Variants in UBASH3B observed in about 807,000 individuals in gnomAD.
The protein encoded by UBASH3B is ubiquitin associated and SH3 domain containing B, also known as ubiquitin-associated and SH3 domain-containing protein B.
A neutral mutation model predicts 83.4 loss-of-function variants in UBASH3B; 37 were observed. The ratio of observed to expected loss-of-function variants is 0.44; its 90% CI spans 0.34 to 0.58. The LOEUF (loss-of-function observed/expected upper bound fraction) is 0.58, where lower values mean the gene tolerates loss of function less well. Among genes scored for constraint, UBASH3B ranks in the 20% least tolerant of loss-of-function variants. The pLI is 0.01. For synonymous variants in UBASH3B, 304 were observed against 318.3 expected (o/e 0.96, Z 0.48); for missense variants, 657 against 827.2 (o/e 0.79, Z 2.52).
intron 1 of UBASH3B, among the ~76,000 whole-genome samples, chr11:122,716,882 G>A (rs571149309): frequency 4.6e-5 from 7 of 152,138 alleles, no homozygotes; most frequent in African/African-American, 7.2e-5. Flanking sequence ...AGAAGCTGTC[G>A]GTCATGGCTC....
At position 122,806,661 on chromosome 11, in the gene UBASH3B, A is replaced by G; in HGVS notation, c.1702+145A>G. The G allele has an allele frequency of 1.6e-6, 2 of 1,215,514 alleles. No homozygotes were observed. Among genetic ancestry groups the G allele is most frequent in the Non-Finnish European group, 2.1e-6 (2 of 931,140 alleles). The allele number at this position is 1,215,514 out of a possible 1,614,324, so 75.3% of individuals were successfully genotyped here. A position where few individuals can be genotyped will look rare whatever the true frequency, so the allele number is the denominator to read the frequency against. ...TTTCTTCCAGATACTTTTACATTAA[A>G]TTTGTAATATTCTCTGAGTTCCTAA... On this transcript the variant is annotated intron_variant, in intron 12 of 13. Transcript: ENST00000284273. The surrounding 1 kb of genome is among the most constrained non-coding windows in gnomAD (Gnocchi z 4.0).
In UBASH3B at chr11:122,806,274, C is replaced by T. The variant is rs775038881; in HGVS notation, c.1596-136C>T. On this transcript the variant is annotated intron_variant, in intron 11 of 13. Coordinates refer to ENST00000284273, the MANE Select transcript of UBASH3B (RefSeq NM_032873.5). This position sits in a 1 kb window ranked among gnomAD's most constrained non-coding sequence, Gnocchi z 4.0. ...GAAATGCTGTTCCCTATACCTTTCT[C>T]CTTTCTAGGGAAATGGATAAACAAA... 219 of 721,420 alleles carry T rather than the reference C, an allele frequency of 3.0e-4. No individual in the cohort carries two copies. Among genetic ancestry groups the T allele is most frequent in the Non-Finnish European group, 4.7e-4 (207 of 441,112 alleles). 44.7% of individuals were successfully genotyped at this position (721,420 alleles called of 1,614,324 possible). A position where few individuals can be genotyped will look rare whatever the true frequency, so the allele number is the denominator to read the frequency against.
chr11:122,718,683 C>G (rs887681361), intron 1 of UBASH3B, among the ~76,000 whole-genome samples: 2 of 151,710 alleles, frequency 1.3e-5, no homozygotes, highest in African/African-American at 4.8e-5. Flanking sequence ...GATTGGAGCC[C>G]CAAAAAAGGG....
chr11:122,683,107 C>A (rs1036791425), intron 1 of UBASH3B, among the ~76,000 whole-genome samples: 1 of 151,828 alleles, frequency 6.6e-6, no homozygotes, highest in Admixed American at 6.6e-5. Context: ...GTTACCCAGG[C>A]GCATGGTGGT....
At chr11:122,769,746 C>T (rs903443858) in intron 1 of UBASH3B, among the ~76,000 whole-genome samples, 1 of 152,206 alleles carries the variant, frequency 6.6e-6, no homozygotes, top group Non-Finnish European at 1.5e-5. Context: ...GCAACAATGA[C>T]CACTGTGTGG....
At chr11:122,778,402 C>T (rs1047386333) in intron 3 of UBASH3B, among the ~76,000 whole-genome samples, 3 of 152,128 alleles carry the variant, frequency 2.0e-5, no homozygotes, top group African/African-American at 7.2e-5. Flanking sequence ...TGTCACAGCT[C>T]TCTGGGACTC....
chr11:122,806,450 TATG>T lies in UBASH3B; in HGVS notation c.1639_1641del (p.Asp547del). The T allele has an allele frequency of 3.7e-6, 6 of 1,606,386 alleles. No individual in the cohort carries two copies. The highest frequency in any genetic ancestry group is 5.1e-6 in the Non-Finnish European group (6 of 1,177,720). ...CAGCAAATTAGTTGTTTCAGAATCCTATGATACTTATATCAGTAGAAGTTTCCA... is the reference window on the plus strand; with the variant it reads ...CAGCAAATTAGTTGTTTCAGAATCCTATACTTATATCAGTAGAAGTTTCCA... On this transcript the variant is annotated inframe_deletion, in exon 12 of 14. Transcript: ENST00000284273. This position sits in a 1 kb window ranked among gnomAD's most constrained non-coding sequence, Gnocchi z 4.0.
At chr11:122,776,078 C>T (rs1000884805) in intron 1 of UBASH3B, 141 bp from the exon 2 acceptor site, 1 of 658,584 alleles carries the variant, frequency 1.5e-6, no homozygotes, top group Non-Finnish European at 2.6e-6. Flanking sequence ...GGGGGAAAAC[C>T]TGCTGCAGGT....
At chr11:122,804,188 C>T (rs1861301080) in intron 11 of UBASH3B, among the ~76,000 whole-genome samples, 1 of 152,028 alleles carries the variant, frequency 6.6e-6, no homozygotes, top group South Asian at 2.1e-4. Flanking sequence ...GATGAGGTGA[C>T]ATAAATGGTG....
chr11:122,670,819 A>G (rs1296903598), intron 1 of UBASH3B, among the ~76,000 whole-genome samples: 2 of 151,874 alleles, frequency 1.3e-5, no homozygotes, highest in East Asian at 1.9e-4. Context: ...CTGGAGTGCA[A>G]TGGTGCGACT....
chr11:122,795,364 G>A (rs1861136977), intron 7 of UBASH3B, among the ~76,000 whole-genome samples: 1 of 152,150 alleles, frequency 6.6e-6, no homozygotes, highest in Admixed American at 6.6e-5. Context: ...GGAACAACAG[G>A]AAAAGAGATG....
chr11:122,750,266 C>T (rs181418186), intron 1 of UBASH3B, among the ~76,000 whole-genome samples: 1 of 152,222 alleles, frequency 6.6e-6, no homozygotes, highest in Non-Finnish European at 1.5e-5. Flanking sequence ...GTTGCAGGGC[C>T]CCCCCACCTT....
At chr11:122,683,471 C>A (rs185314531) in intron 1 of UBASH3B, among the ~76,000 whole-genome samples, 1 of 151,168 alleles carries the variant, frequency 6.6e-6, no homozygotes, top group African/African-American at 2.4e-5. Context: ...AAAAATTAGC[C>A]GGGCGTGGTG....
intron 1 of UBASH3B, among the ~76,000 whole-genome samples, chr11:122,718,807 C>T (rs1029582304): frequency 2.6e-5 from 4 of 152,184 alleles, no homozygotes; most frequent in South Asian, 2.1e-4. Flanking sequence ...AATTCCTCCA[C>T]GTGACTTGGG....
At chr11:122,808,237 C>G in intron 13 of UBASH3B, 61 bp downstream of exon 13, 1 of 1,301,532 alleles carries the variant, frequency 7.7e-7, no homozygotes. Context: ...AGTACAGTGA[C>G]TGGCTGATTA....
intron 1 of UBASH3B, among the ~76,000 whole-genome samples, chr11:122,750,750 T>G (rs2135967521): frequency 6.6e-6 from 1 of 152,274 alleles, no homozygotes; most frequent in South Asian, 2.1e-4. Context: ...AAGATCCTAG[T>G]CCAAGCTCTA....
intron 4 of UBASH3B, 94 bp downstream of exon 4, chr11:122,779,789 G>A (rs1263290372): frequency 2.7e-6 from 4 of 1,476,906 alleles, no homozygotes; most frequent in Admixed American, 1.8e-5. Context: ...GAGCAGGATG[G>A]GGTCAGGAGG....
At chr11:122,795,788 T>C (rs768019615) in intron 7 of UBASH3B, among the ~76,000 whole-genome samples, 4 of 152,184 alleles carry the variant, frequency 2.6e-5, no homozygotes, top group South Asian at 4.1e-4. Flanking sequence ...TTGCCCCTTT[T>C]TGGGGGGAAG....
intron 1 of UBASH3B, among the ~76,000 whole-genome samples, chr11:122,690,214 T>TATATATAAAAA: frequency 1.9e-5 from 1 of 52,662 alleles, no homozygotes; most frequent in East Asian, 6.6e-4. Context: ...ATATATCCAA[T>TATATATAAAAA]TATATATATA....
Sources: gnomAD v4.1 joint callset for allele counts (sites outside exome capture counted in the v4.1 genomes callset) on GRCh38, gnomAD v4.1.1 for gene constraint, Gnocchi (gnomAD v3.1) non-coding constraint, MANE v1.5 for transcripts, NCBI Gene and HGNC (gene_info 2026-07-23, HGNC 2026-07-21) for gene names.